Variants in IMMP2L observed in about 807,000 individuals in gnomAD.
IMMP2L encodes mitochondrial inner membrane protease subunit 2.
Under a neutral mutation model 19.3 loss-of-function variants are expected in IMMP2L, and 18 were observed. That is an observed-to-expected ratio of 0.93 (90% CI 0.64 to 1.38). The LOEUF (loss-of-function observed/expected upper bound fraction) is 1.38, where lower values mean the gene tolerates loss of function less well. IMMP2L is among the 40% of genes most tolerant of loss of function. The probability of loss-of-function intolerance (pLI) is 0.00; values close to 1 mark genes in which losing one functional copy is unlikely to be tolerated. For missense variants in IMMP2L, 233 were observed against 218.2 expected (o/e 1.07, Z -0.43); for synonymous variants, 76 against 73.0 (o/e 1.04, Z -0.21).
intron 3 of IMMP2L, among the ~76,000 whole-genome samples, chr7:111,478,559 TTTTGTTTGTTTG>T (rs3052922): frequency 0.011 from 1,600 of 148,854 alleles, 31 homozygotes; most frequent in African/African-American, 0.036. Flanking sequence ...CATGCCCAGC[TTTTGTTTGTTTG>T]TTTGTTTGTT....
In IMMP2L at chr7:111,470,767, C is replaced by G. The variant is rs1841181688; in HGVS notation, c.239+16471G>C. 2.7e-5 allele frequency among the ~76,000 whole-genome samples: 4 copies of G among 149,484 alleles called. No individual in the cohort carries two copies. In the Middle Eastern group the frequency reaches 0.01, roughly 387 times the overall value. ...GGAGGGATAGCATTAGGAGATATAC[C>G]TAATGCTAAATGACGAGTTAATGGG... On this transcript the variant is annotated intron_variant, in intron 3 of 5. Transcript: ENST00000405709.
chr7:110,698,712 C>T (rs1386008197), intron 5 of IMMP2L, among the ~76,000 whole-genome samples: 1 of 152,194 alleles, frequency 6.6e-6, no homozygotes, highest in Non-Finnish European at 1.5e-5. Context: ...AAATGGATTT[C>T]GTTACATGCA....
chr7:110,764,566 A>G (rs556477439), intron 5 of IMMP2L, among the ~76,000 whole-genome samples: 21 of 152,256 alleles, frequency 1.4e-4, no homozygotes, highest in Middle Eastern at 3.4e-3. Flanking sequence ...AGGCACAATT[A>G]ATATCAACAA....
At chr7:110,965,194 C>A (rs1819405249) in intron 3 of IMMP2L, among the ~76,000 whole-genome samples, 1 of 151,990 alleles carries the variant, frequency 6.6e-6, no homozygotes, top group Non-Finnish European at 1.5e-5. Context: ...ACATCTCATG[C>A]ATCACACAAA....
intron 5 of IMMP2L, among the ~76,000 whole-genome samples, chr7:110,738,564 C>T (rs559668731): frequency 8.4e-4 from 128 of 152,278 alleles, no homozygotes; most frequent in Non-Finnish European, 1.2e-3. Context: ...CCAAGAAGTT[C>T]GGGACTATGT....
chr7:111,047,745 G>A, intron 3 of IMMP2L, among the ~76,000 whole-genome samples: 1 of 152,096 alleles, frequency 6.6e-6, no homozygotes. Flanking sequence ...AGATTAAGGT[G>A]GTGGCTAGTT....
intron 3 of IMMP2L, among the ~76,000 whole-genome samples, chr7:110,971,535 G>T (rs191716471): frequency 6.6e-6 from 1 of 152,016 alleles, no homozygotes; most frequent in Non-Finnish European, 1.5e-5. Flanking sequence ...CCCTGATGCC[G>T]TCACACAATA....
At chr7:111,109,519 G>C (rs528066746) in intron 3 of IMMP2L, among the ~76,000 whole-genome samples, 9 of 152,010 alleles carry the variant, frequency 5.9e-5, no homozygotes, top group Admixed American at 5.9e-4. Context: ...ATATATCTGC[G>C]ACACAAAGCT....
At chr7:110,902,286 G>GA (rs1367053981) in intron 4 of IMMP2L, among the ~76,000 whole-genome samples, 2 of 150,828 alleles carry the variant, frequency 1.3e-5, no homozygotes, top group Admixed American at 6.6e-5. Context: ...ATTAATTATA[G>GA]AAAAAATAAT....
At chr7:110,792,475 T>G (rs565228397) in intron 5 of IMMP2L, among the ~76,000 whole-genome samples, 2 of 152,180 alleles carry the variant, frequency 1.3e-5, no homozygotes, top group South Asian at 4.1e-4. Flanking sequence ...ACATCCGGCT[T>G]TTCTGGCCTT....
chr7:111,314,320 T>C (rs1823821963), intron 3 of IMMP2L, among the ~76,000 whole-genome samples: 1 of 152,076 alleles, frequency 6.6e-6, no homozygotes. Context: ...TAAGATGTCC[T>C]GGAAAGTAGA....
intron 5 of IMMP2L, among the ~76,000 whole-genome samples, chr7:110,748,793 A>G (rs1584710799): frequency 1.3e-5 from 2 of 152,210 alleles, no homozygotes; most frequent in Admixed American, 6.5e-5. Flanking sequence ...AACCATAAAA[A>G]CCCTAGAAGA....
At chr7:111,095,789 C>T (rs2129578717) in intron 3 of IMMP2L, among the ~76,000 whole-genome samples, 1 of 152,030 alleles carries the variant, frequency 6.6e-6, no homozygotes, top group South Asian at 2.1e-4. Context: ...TTAACATGTG[C>T]CCTTTTTTTA....
chr7:111,147,306 T>C (rs964725037), intron 3 of IMMP2L, among the ~76,000 whole-genome samples: 2 of 152,080 alleles, frequency 1.3e-5, no homozygotes, highest in Non-Finnish European at 2.9e-5. Context: ...TGATTGATGG[T>C]TCACATAAAT....
At chr7:111,468,194 C>G (rs1284443013) in intron 3 of IMMP2L, among the ~76,000 whole-genome samples, 1 of 151,988 alleles carries the variant, frequency 6.6e-6, no homozygotes, top group African/African-American at 2.4e-5. Context: ...ACAGCTTAAC[C>G]AAGATAATCT....
At chr7:110,900,449 T>A (rs73425066) in intron 4 of IMMP2L, among the ~76,000 whole-genome samples, 7,287 of 152,246 alleles carry the variant, frequency 0.048, 577 homozygotes, top group African/African-American at 0.17. Flanking sequence ...AGCCACCAAC[T>A]TCTCCTTCCT....
chr7:110,903,200 G>C (rs1224335102), intron 4 of IMMP2L, among the ~76,000 whole-genome samples: 1 of 152,138 alleles, frequency 6.6e-6, no homozygotes, highest in African/African-American at 2.4e-5. Flanking sequence ...CAATATTTGA[G>C]TATACGTGGT....
intron 5 of IMMP2L, among the ~76,000 whole-genome samples, chr7:110,786,456 G>C (rs565315164): frequency 6.6e-6 from 1 of 152,050 alleles, no homozygotes; most frequent in South Asian, 2.1e-4. Flanking sequence ...TTGTGAAATT[G>C]CTATCACTTC....
At chr7:110,791,333 G>C (rs1035849010) in intron 5 of IMMP2L, among the ~76,000 whole-genome samples, 3 of 151,458 alleles carry the variant, frequency 2.0e-5, no homozygotes, top group African/African-American at 7.3e-5. Context: ...AAGCTTACCT[G>C]ACTATCTCTA....
Sources: gnomAD v4.1 joint callset for allele counts (sites outside exome capture counted in the v4.1 genomes callset) on GRCh38, gnomAD v4.1.1 for gene constraint, MANE v1.5 for transcripts, NCBI Gene and HGNC (gene_info 2026-07-23, HGNC 2026-07-21) for gene names.